Variants in DBF4 observed in about 807,000 individuals in gnomAD.
DBF4 encodes DBF4-CDC7 kinase regulatory subunit.
In DBF4, 25 loss-of-function variants were observed where a neutral mutation model predicts 76.6. The observed-to-expected ratio is 0.33, with a 90% CI of 0.24 to 0.46. The LOEUF (loss-of-function observed/expected upper bound fraction) is 0.46. Ranked by LOEUF, DBF4 falls within the 20% of genes least tolerant of loss-of-function variation. DBF4 has a pLI of 1.00. For missense variants in DBF4, 638 were observed against 760.8 expected (o/e 0.84, Z 1.90); for synonymous variants, 213 against 258.0 (o/e 0.83, Z 1.67).
chr7:87,887,281 C>T (rs748539282), intron 4 of DBF4, 48 bp from the exon 5 acceptor site: 3 of 1,294,372 alleles, frequency 2.3e-6, no homozygotes, highest in South Asian at 1.3e-5. Context: ...AAATTTAGCT[C>T]ATCTTAAATA....
rs768388853 is a variant in DBF4, at chr7:87,876,706, C to T, written c.-27C>T. Reference sequence around the variant, plus strand: ...GCCCGGTGCGACACTTTCTCCGGACCCAGCATGTAGGTGCCGGGCGACTGC... The same window carrying T: ...GCCCGGTGCGACACTTTCTCCGGACTCAGCATGTAGGTGCCGGGCGACTGC... On this transcript the variant is annotated 5_prime_UTR_variant, in exon 1 of 12. Coordinates refer to ENST00000265728, the MANE Select transcript of DBF4 (RefSeq NM_006716.4). The T allele has an allele frequency of 2.5e-6, 4 of 1,613,746 alleles. No individual in the cohort carries two copies. The highest frequency in any genetic ancestry group is 2.2e-5 in the East Asian group (1 of 44,862).
chr7:87,876,793 C>G lies in DBF4; in HGVS notation c.46+15C>G. 3 of 1,613,988 alleles carry G rather than the reference C, an allele frequency of 1.9e-6. No homozygotes were observed. Among genetic ancestry groups the G allele is most frequent in the Non-Finnish European group, 2.5e-6 (3 of 1,179,852 alleles). ...ACATTTCCAGGGTAAGAAGCCCCTC[C>G]TCCGCCTGCAGTCCCTTTAATCCTT... On this transcript the variant is annotated intron_variant, in intron 1 of 11. Transcript: ENST00000265728.
intron 1 of DBF4, 87 bp downstream of exon 1, chr7:87,876,865 G>C (rs866217216): frequency 6.9e-7 from 1 of 1,448,494 alleles, no homozygotes; most frequent in South Asian, 1.2e-5. Context: ...TTCTCCCGCC[G>C]GGTCCTCAGC....
intron 9 of DBF4, 60 bp downstream of exon 9, chr7:87,900,409 G>T: frequency 6.6e-7 from 1 of 1,515,342 alleles, no homozygotes; most frequent in Non-Finnish European, 8.9e-7. Context: ...ATTTTTCTTT[G>T]TAAAGATTTG....
At chr7:87,899,668 C>CA (rs1225902868) in intron 8 of DBF4, among the ~76,000 whole-genome samples, 1 of 152,188 alleles carries the variant, frequency 6.6e-6, no homozygotes, top group African/African-American at 2.4e-5. Flanking sequence ...TGTGTGTACA[C>CA]ACACTCAATG....
intron 10 of DBF4, among the ~76,000 whole-genome samples, chr7:87,903,689 C>CTTTTT (rs56740998): frequency 2.5e-4 from 25 of 98,072 alleles, no homozygotes; most frequent in African/African-American, 3.6e-4. Context: ...CTCTGTATCC[C>CTTTTT]TTTTTTTTTT....
At chr7:87,901,986 C>G (rs903139573) in intron 10 of DBF4, among the ~76,000 whole-genome samples, 31 of 152,040 alleles carry the variant, frequency 2.0e-4, no homozygotes, top group African/African-American at 7.5e-4. Flanking sequence ...ATGTAATAAA[C>G]AAGAAAACTA....
rs1366278104 is a variant in DBF4, at chr7:87,876,642, T to C, written c.-91T>C. On this transcript the variant is annotated 5_prime_UTR_variant, in exon 1 of 12. Transcript: ENST00000265728. The stretch of plus-strand genomic sequence containing the variant: ...GCTGGCGGAAGGAGAGAGGCGGCCG[T>C]CCTGTCAACAGGCCGGGGGAAGCCG... The C allele has an allele frequency of 1.2e-5, 17 of 1,420,466 alleles. No individual in the cohort carries two copies. The East Asian group carries it at 2.4e-4, about 20-fold the overall frequency. 88.0% of individuals were successfully genotyped at this position (1,420,466 alleles called of 1,614,324 possible).
intron 6 of DBF4, among the ~76,000 whole-genome samples, chr7:87,889,863 A>G (rs563402372): frequency 6.6e-6 from 1 of 152,364 alleles, no homozygotes; most frequent in East Asian, 1.9e-4. Flanking sequence ...TACAAGGATT[A>G]GATAATAGGT....
intron 6 of DBF4, among the ~76,000 whole-genome samples, chr7:87,892,587 T>C (rs571671026): frequency 1.3e-5 from 2 of 152,330 alleles, no homozygotes; most frequent in South Asian, 4.1e-4. Flanking sequence ...TCAACTCATT[T>C]GGGTAAATAA....
intron 6 of DBF4, 40 bp downstream of exon 6, chr7:87,888,099 GT>G: frequency 3.3e-6 from 5 of 1,523,400 alleles, no homozygotes; most frequent in Non-Finnish European, 4.4e-6. Flanking sequence ...ACCAAGCTTG[GT>G]TTTTTTACTT....
chr7:87,897,380 C>T (rs537682424), intron 8 of DBF4, 41 bp downstream of exon 8: 2 of 1,578,876 alleles, frequency 1.3e-6, no homozygotes, highest in African/African-American at 1.4e-5. Context: ...AAGTGCAATA[C>T]TAAAGAGGAA....
intron 10 of DBF4, among the ~76,000 whole-genome samples, chr7:87,901,636 G>A (rs949977722): frequency 1.3e-5 from 2 of 152,170 alleles, no homozygotes; most frequent in African/African-American, 4.8e-5. Context: ...TGGGAGAGTT[G>A]CAAAGGGTAT....
chr7:87,876,766 G>A lies in DBF4; in HGVS notation c.34G>A (p.Gly12Arg). ...CGGAGCCATGAGGATCCACAGTAAA[G>A]GACATTTCCAGGGTAAGAAGCCCCT... is the stretch of plus-strand genomic sequence containing the variant. ...NSGAMRIHSK[G>R]HFQGGIQVKN... Residue 12 changes from glycine (G) to arginine (R), a missense_variant, in exon 1 of 12, where the codon GGA (glycine) becomes AGA (arginine). Physicochemically the swap from Gly to Arg is moderately radical, Grantham distance 125 (BLOSUM62 -2). Coordinates refer to ENST00000265728, the MANE Select transcript of DBF4 (RefSeq NM_006716.4). The A allele has an allele frequency of 1.2e-6, 2 of 1,614,128 alleles. No homozygotes were observed. Among genetic ancestry groups the A allele is most frequent in the African/African-American group, 1.3e-5 (1 of 75,054 alleles).
rs1839647426 is a variant in DBF4, at chr7:87,896,662, CTG to C, written c.634+155_634+156del. ...GATCCTTGGTGAAGTTTGGTGAAGC[CTG>C]TGGACCGCATTTTCAGAATGATGTT... is the stretch of plus-strand genomic sequence containing the variant. On this transcript the variant is annotated intron_variant, in intron 7 of 11. Coordinates refer to ENST00000265728, the MANE Select transcript of DBF4 (RefSeq NM_006716.4). 2.9e-5 allele frequency: 17 copies of C among 579,044 alleles called. No individual in the cohort carries two copies. The South Asian group carries it at 4.8e-4, about 16-fold the overall frequency. The allele number at this position is 579,044 out of a possible 1,614,324, so 35.9% of individuals were successfully genotyped here.
In DBF4 at chr7:87,889,759, G is replaced by T. The variant is rs1438840482; in HGVS notation, c.597+1700G>T. ...AAACTATCAATCAAAGTGTAAAAATGATTTGGAAAACTGGTCAGAAGTTTT... is the reference window on the plus strand; with the variant it reads ...AAACTATCAATCAAAGTGTAAAAATTATTTGGAAAACTGGTCAGAAGTTTT... On this transcript the variant is annotated intron_variant, in intron 6 of 11. Transcript: ENST00000265728. Among the ~76,000 whole-genome samples, 6 of 152,148 alleles carry T rather than the reference G, an allele frequency of 3.9e-5. No homozygotes were observed. The South Asian group carries it at 1.0e-3, about 26-fold the overall frequency.
At chr7:87,903,165 C>T (rs1454592741) in intron 10 of DBF4, among the ~76,000 whole-genome samples, 1 of 152,222 alleles carries the variant, frequency 6.6e-6, no homozygotes, top group Non-Finnish European at 1.5e-5. Flanking sequence ...TCACTGTAAC[C>T]TCCATCTCCC....
In DBF4 at chr7:87,904,404, C is replaced by T. The variant is rs7812024; in HGVS notation, c.1037C>T (p.Pro346Leu). 1 of 1,610,996 alleles carries T rather than the reference C, an allele frequency of 6.2e-7. No homozygotes were observed. Among genetic ancestry groups the T allele is most frequent in the East Asian group, 2.2e-5 (1 of 44,780 alleles). The change falls in exon 11 of 12, where the codon CCT becomes CTT. Residue 346 changes from proline to leucine, a missense_variant. Pro to Leu is a moderately conservative substitution (Grantham distance 98). Transcript: ENST00000265728. Reference sequence around the variant, plus strand: ...TTTGTGGAATATGAAAAGGACACACCTAAAAAGAAAAGGTAATTAGTTTTA... The same window carrying T: ...TTTGTGGAATATGAAAAGGACACACTTAAAAAGAAAAGGTAATTAGTTTTA... ...FDFVEYEKDT[P>L]KKKRIKYSVG...
chr7:87,903,461 A>G (rs547576757), intron 10 of DBF4, among the ~76,000 whole-genome samples: 11 of 152,344 alleles, frequency 7.2e-5, no homozygotes, highest in Admixed American at 6.5e-4. Context: ...TGTTTTGGTC[A>G]TTCCCAAATG....
Sources: allele counts gnomAD v4.1 joint callset (sites outside exome capture counted in the v4.1 genomes callset), GRCh38; gene constraint gnomAD v4.1.1; transcripts MANE v1.5; gene names NCBI Gene and HGNC (gene_info 2026-07-23, HGNC 2026-07-21).